Variants in NAA35 observed in about 807,000 individuals in gnomAD.
The protein encoded by NAA35 is MAK10 homolog, amino-acid N-acetyltransferase subunit.
A neutral mutation model predicts 101.7 loss-of-function variants in NAA35; 18 were observed. The ratio of observed to expected loss-of-function variants is 0.18; its 90% CI spans 0.12 to 0.26. The LOEUF is 0.26. NAA35 is among the 10% of genes least tolerant of loss of function. The probability of loss-of-function intolerance (pLI) is 1.00; values close to 1 mark genes in which losing one functional copy is unlikely to be tolerated. For missense variants in NAA35, 601 were observed against 886.8 expected, an observed-to-expected ratio of 0.68 and a Z score of 4.09; for synonymous variants, 267 against 273.1, an observed-to-expected ratio of 0.98 and a Z score of 0.22.
chr9:85,988,220 A>G (rs572075824), intron 11 of NAA35, among the ~76,000 whole-genome samples: 1 of 152,356 alleles, frequency 6.6e-6, no homozygotes. Flanking sequence ...TCATAATCAA[A>G]AAAGAAACTG....
chr9:85,966,190 C>T (rs1262534708), intron 6 of NAA35, among the ~76,000 whole-genome samples: 2 of 152,144 alleles, frequency 1.3e-5, no homozygotes, highest in African/African-American at 4.8e-5. Context: ...ATCTTCCCAC[C>T]CCAGCCTCCC....
At position 85,951,681 on chromosome 9, in the gene NAA35, A is replaced by G. The variant is rs181813486; in HGVS notation, c.125-4679A>G. On this transcript the variant is annotated intron_variant, in intron 2 of 22. Coordinates refer to ENST00000361671, the MANE Select transcript of NAA35 (RefSeq NM_024635.4). ...TCCAAAAATTTTTTTTTTGAGGCAT[A>G]GTCTTGCTCTGTCACCCAGTCTGGA... is the stretch of plus-strand genomic sequence containing the variant. Among the ~76,000 whole-genome samples, 827 of 152,236 alleles carry G rather than the reference A, an allele frequency of 5.4e-3. 6 individuals are homozygous for G. Among genetic ancestry groups the G allele is most frequent in the Non-Finnish European group, 7.9e-3 (538 of 68,014 alleles).
At chr9:85,992,453 A>G (rs1830960339) in intron 11 of NAA35, among the ~76,000 whole-genome samples, 2 of 152,206 alleles carry the variant, frequency 1.3e-5, no homozygotes, top group South Asian at 2.1e-4. Context: ...GGGAGTAACT[A>G]CAATGAAGAG....
intron 2 of NAA35, among the ~76,000 whole-genome samples, chr9:85,942,852 A>G (rs556292650): frequency 6.6e-6 from 1 of 152,140 alleles, no homozygotes; most frequent in South Asian, 2.1e-4. Context: ...CTTTCTTTTA[A>G]ATTGCTTTGC....
In NAA35 at chr9:85,942,023, TAGACTC is replaced by T. The variant is rs1173685376; in HGVS notation, c.-5-128_-5-123del. 37 of 1,392,882 alleles carry T rather than the reference TAGACTC, an allele frequency of 2.7e-5. No homozygotes were observed. In the South Asian group the frequency reaches 2.8e-4, roughly 11 times the overall value. The allele number at this position is 1,392,882 out of a possible 1,614,324, so 86.3% of individuals were successfully genotyped here. On this transcript the variant is annotated intron_variant, in intron 1 of 22. Coordinates refer to ENST00000361671, the MANE Select transcript of NAA35 (RefSeq NM_024635.4). ...AGGTTATTCTTTGCAGTACTGTCCT[TAGACTC>T]AGAAGAGTTCTGCTTTAAAGAGTTT...
chr9:85,986,554 TTGTTTTTTGCCAATG>T (rs1830656254), intron 11 of NAA35: 2 of 413,470 alleles, frequency 4.8e-6, no homozygotes, highest in Non-Finnish European at 9.7e-6. Context: ...TACTCTAAGC[TTGTTTTTTGCCAATG>T]TGTAGATCAG....
intron 17 of NAA35, among the ~76,000 whole-genome samples, chr9:86,015,432 G>A (rs1832161613): frequency 6.6e-6 from 1 of 151,976 alleles, no homozygotes; most frequent in African/African-American, 2.4e-5. Context: ...CCTGAAGCAT[G>A]TGGACTCTTT....
chr9:85,982,191 G>A (rs1830465256), intron 11 of NAA35, among the ~76,000 whole-genome samples: 2 of 152,166 alleles, frequency 1.3e-5, no homozygotes, highest in Non-Finnish European at 2.9e-5. Context: ...CACTGTACTA[G>A]TAAAGTATTT....
intron 1 of NAA35, 127 bp downstream of exon 1, chr9:85,941,400 C>T (rs931682109): frequency 1.9e-5 from 19 of 985,428 alleles, no homozygotes; most frequent in Non-Finnish European, 2.2e-5. Flanking sequence ...TCCCGCTGCG[C>T]GTCAGGTAGG....
chr9:85,946,246 G>A (rs1828758461), intron 2 of NAA35, among the ~76,000 whole-genome samples: 1 of 152,062 alleles, frequency 6.6e-6, no homozygotes, highest in Non-Finnish European at 1.5e-5. Flanking sequence ...ATGGGTTCAA[G>A]CAATCCTCTC....
chr9:85,976,629 T>A (rs1439121110), intron 8 of NAA35, 56 bp from the exon 9 acceptor site: 1 of 1,286,862 alleles, frequency 7.8e-7, no homozygotes, highest in African/African-American at 1.5e-5. Context: ...CCTTATGTAT[T>A]TGTAATGTAA....
Position 86,009,851 on chromosome 9 carries a change from C to T in NAA35, c.1224-14C>T. ...GGCTGAATAGATTTTAATGATGTGA[C>T]TGTTATCTTGCAGGTGCTACCTATA... is the stretch of plus-strand genomic sequence containing the variant. On this transcript the variant is annotated splice_polypyrimidine_tract_variant and intron_variant, in intron 14 of 22. Coordinates refer to ENST00000361671, the MANE Select transcript of NAA35 (RefSeq NM_024635.4). 1 of 1,599,900 alleles carries T rather than the reference C, an allele frequency of 6.3e-7. No individual in the cohort carries two copies.
chr9:85,959,164 C>G lies in NAA35; in HGVS notation c.273+578C>G, dbSNP rs1587572273. Among the ~76,000 whole-genome samples, 3 of 152,010 alleles carry G rather than the reference C, an allele frequency of 2.0e-5. 1 individual carries two copies. Among genetic ancestry groups the G allele is most frequent in the Non-Finnish European group, 2.9e-5 (2 of 67,964 alleles). On this transcript the variant is annotated intron_variant, in intron 4 of 22. Transcript: ENST00000361671. Reference sequence around the variant, plus strand: ...GGCCGAGGTGGGTGGATCACGAGGTCAGGAGATCAAGACCATCTTGGCTAA... The same window carrying G: ...GGCCGAGGTGGGTGGATCACGAGGTGAGGAGATCAAGACCATCTTGGCTAA...
At chr9:85,966,763 A>C (rs1184782126) in intron 6 of NAA35, 1 of 459,556 alleles carries the variant, frequency 2.2e-6, no homozygotes, top group Non-Finnish European at 3.6e-6. Flanking sequence ...GAATCTTAAA[A>C]ATACTGATAT....
At chr9:86,013,244 T>G in intron 16 of NAA35, 100 bp downstream of exon 16, 1 of 640,476 alleles carries the variant, frequency 1.6e-6, no homozygotes, top group East Asian at 2.9e-5. Context: ...GACTAATTTT[T>G]CAACATGATC....
chr9:86,015,759 C>T (rs1832177842), intron 17 of NAA35: 5 of 967,262 alleles, frequency 5.2e-6, no homozygotes, highest in Non-Finnish European at 6.1e-6. Flanking sequence ...TCTTAGTTGT[C>T]CCCTTCACTC....
chr9:85,959,701 T>C (rs1185819337), intron 4 of NAA35, 92 bp from the exon 5 acceptor site: 11 of 776,132 alleles, frequency 1.4e-5, no homozygotes, highest in Admixed American at 5.2e-5. Context: ...TTTTTAAATA[T>C]TGAATGTTAG....
chr9:85,995,692 A>G (rs1251558035), intron 11 of NAA35, among the ~76,000 whole-genome samples: 1 of 152,170 alleles, frequency 6.6e-6, no homozygotes, highest in Non-Finnish European at 1.5e-5. Context: ...ACTTTGAATA[A>G]AAAATTCTTA....
chr9:85,985,378 G>A (rs146080675), intron 11 of NAA35, among the ~76,000 whole-genome samples: 5 of 152,310 alleles, frequency 3.3e-5, no homozygotes, highest in Non-Finnish European at 7.3e-5. Flanking sequence ...GTGGATGAAT[G>A]GATGCATAAA....
Sources: allele counts gnomAD v4.1 joint callset (sites outside exome capture counted in the v4.1 genomes callset), GRCh38; gene constraint gnomAD v4.1.1; transcripts MANE v1.5; gene names NCBI Gene and HGNC (gene_info 2026-07-23, HGNC 2026-07-21).